GCLC: variants seen among roughly 807,000 people sequenced by gnomAD.
GCLC encodes glutamate-cysteine ligase catalytic subunit.
A neutral mutation model predicts 81.5 loss-of-function variants in GCLC; 30 were observed. The observed-to-expected ratio is 0.37, with a 90% confidence interval of 0.28 to 0.50. The LOEUF (loss-of-function observed/expected upper bound fraction) is 0.50, where lower values mean the gene tolerates loss of function less well. Among genes scored for constraint, GCLC ranks in the 20% least tolerant of loss-of-function variants. The pLI, the probability that GCLC is intolerant of heterozygous loss-of-function variation, is 0.96. For synonymous variants in GCLC, 262 were observed against 273.3 expected (o/e 0.96, Z 0.41); for missense variants, 556 against 777.4 (o/e 0.72, Z 3.39).
chr6:53,534,226 C>G (rs754174359), intron 1 of GCLC, among the ~76,000 whole-genome samples: 1 of 152,158 alleles, frequency 6.6e-6, no homozygotes, highest in South Asian at 2.1e-4. Context: ...AATATCCAGT[C>G]ACAGGATGAT....
chr6:53,520,056 G>C (rs1322786810), intron 3 of GCLC, among the ~76,000 whole-genome samples: 6 of 152,190 alleles, frequency 3.9e-5, no homozygotes, highest in Non-Finnish European at 8.8e-5. Context: ...CCATCTGACA[G>C]ACATCTAGCA....
chr6:53,538,022 T>C (rs1763284687), intron 1 of GCLC, among the ~76,000 whole-genome samples: 1 of 152,118 alleles, frequency 6.6e-6, no homozygotes, highest in Admixed American at 6.5e-5. Context: ...GAACCTTCAA[T>C]TTGACTCAAA....
At chr6:53,507,378 C>T in intron 9 of GCLC, 102 bp downstream of exon 9, 2 of 1,138,528 alleles carry the variant, frequency 1.8e-6, no homozygotes, top group Non-Finnish European at 1.3e-6. Flanking sequence ...AGACTTTGCA[C>T]TAAAAATAGA....
intron 1 of GCLC, among the ~76,000 whole-genome samples, chr6:53,531,201 T>C (rs1050657212): frequency 2.0e-5 from 3 of 152,316 alleles, no homozygotes; most frequent in Admixed American, 2.0e-4. Flanking sequence ...CACAGAATAG[T>C]GTCTTGTGTT....
In GCLC at chr6:53,514,473, A is replaced by G. The variant is rs1764824055; in HGVS notation, c.585T>C (p.His195=). The G allele has an allele frequency of 1.1e-5, 18 of 1,613,178 alleles. No individual in the cohort carries two copies. Among genetic ancestry groups the G allele is most frequent in the Non-Finnish European group, 1.3e-5 (15 of 1,179,246 alleles). The change falls in exon 5 of 16, where the codon CAT becomes CAC. Residue 195 remains histidine (H), a synonymous_variant. Coordinates refer to ENST00000650454, the MANE Select transcript of GCLC (RefSeq NM_001498.4). ...TGATGACAACCTTTTCTCCTCTCCT[A>G]TGTCGGATATTTCTTGTTAAGGTAC... The part of the protein sequence containing the change: ...RFSTLTRNIR[H]RRGEKVVINV...
rs1764817190 is a variant in GCLC, at chr6:53,514,284, C to T, written c.673G>A (p.Asp225Asn). 8.7e-6 allele frequency: 14 copies of T among 1,605,280 alleles called. No individual in the cohort carries two copies. Among genetic ancestry groups the T allele is most frequent in the African/African-American group, 1.3e-5 (1 of 74,734 alleles). ...GGCTTAGAAGCCCTTGAAGCTTCAT[C>T]ATCCTCAGTAAATGTTTCTATAAAT... ...SPFIETFTED[D>N]EASRASKPDH... is the part of the protein sequence containing the mutation. The change falls in exon 6 of 16, where the codon GAT becomes AAT. Residue 225 changes from aspartate (D) to asparagine (N), a missense_variant. Asp to Asn is a conservative substitution (Grantham distance 23). This residue lies in a region of GCLC where 234 missense variants were observed against 303.8 expected (regional missense o/e 0.77). Transcript: ENST00000650454.
chr6:53,538,136 C>CTTTTTTTTTTTTTTTTTTT (rs10588842), intron 1 of GCLC, among the ~76,000 whole-genome samples: 1 of 78,904 alleles, frequency 1.3e-5, no homozygotes, highest in East Asian at 4.2e-4. Context: ...TTTTTCTTTC[C>CTTTTTTTTTTTTTTTTTTT]TTTTTTTTTT....
At chr6:53,500,019 G>A in intron 15 of GCLC, 26 bp downstream of exon 15, 1 of 1,513,164 alleles carries the variant, frequency 6.6e-7, no homozygotes, top group Non-Finnish European at 9.2e-7. Flanking sequence ...TCTATATTAT[G>A]AGATTAAGAA....
rs373952082 is a variant in GCLC at position 53,542,053 on chromosome 6, C to G, written c.150+2443G>C. On this transcript the variant is annotated intron_variant, in intron 1 of 15. Coordinates refer to ENST00000650454, the MANE Select transcript of GCLC (RefSeq NM_001498.4). ...TTTATTTTTGGTAGAGATGGGGTCT[C>G]GCTATATTGCCCAGGCTGGCCTTCA... is the stretch of plus-strand genomic sequence containing the variant. Among the ~76,000 whole-genome samples the G allele has an allele frequency of 9.9e-5, 15 of 152,170 alleles. No individual in the cohort carries two copies. The East Asian group carries it at 1.2e-3, about 12-fold the overall frequency.
intron 12 of GCLC, chr6:53,500,834 C>A: frequency 2.5e-6 from 1 of 404,820 alleles, no homozygotes; most frequent in Non-Finnish European, 4.6e-6. Flanking sequence ...GTTGGGAGGG[C>A]AGGTGGCTGG....
intron 8 of GCLC, 42 bp from the exon 9 acceptor site, chr6:53,507,660 A>G: frequency 2.4e-6 from 2 of 835,616 alleles, no homozygotes; most frequent in South Asian, 1.7e-5. Flanking sequence ...GCTATATAAA[A>G]TGAGTGGAAT....
intron 12 of GCLC, among the ~76,000 whole-genome samples, chr6:53,502,792 C>T (rs1764537965): frequency 6.6e-6 from 1 of 152,164 alleles, no homozygotes; most frequent in African/African-American, 2.4e-5. Context: ...ATTTTCACCA[C>T]TTTATGTTCT....
chr6:53,523,292 C>G (rs1763030012), intron 1 of GCLC: 1 of 152,220 alleles, frequency 6.6e-6, no homozygotes, highest in Non-Finnish European at 1.5e-5. Flanking sequence ...TCAATCATGA[C>G]AGTTGGCGTG....
chr6:53,514,321 A>T lies in GCLC; in HGVS notation c.636T>A (p.Asn212Lys), dbSNP rs775265488. 1 of 1,595,304 alleles carries T rather than the reference A, an allele frequency of 6.3e-7. No homozygotes were observed. The highest frequency in any genetic ancestry group is 8.6e-7 in the Non-Finnish European group (1 of 1,162,912). ...VINVPIFKDK[N>K]TPSPFIETFT... ...ATGTTTCTATAAATGGAGATGGTGTATTCTTGTCCTTAAATACTGTATTAT... is the reference window on the plus strand; with the variant it reads ...ATGTTTCTATAAATGGAGATGGTGTTTTCTTGTCCTTAAATACTGTATTAT... Residue 212 changes from asparagine to lysine, a missense_variant, in exon 6 of 16, where the codon AAT becomes AAA. Asn to Lys is a moderately conservative substitution (Grantham distance 94). Coordinates refer to ENST00000650454, the MANE Select transcript of GCLC (RefSeq NM_001498.4).
At position 53,506,707 on chromosome 6, in the gene GCLC, G is replaced by A; in HGVS notation, c.1197+206C>T. The A allele has an allele frequency of 1.8e-6, 1 of 552,214 alleles. No homozygotes were observed. Among genetic ancestry groups the A allele is most frequent in the Non-Finnish European group, 3.2e-6 (1 of 308,334 alleles). The allele number at this position is 552,214 out of a possible 1,614,324, so 34.2% of individuals were successfully genotyped here. A position where few individuals can be genotyped will look rare whatever the true frequency, so the allele number is the denominator to read the frequency against. ...ATAAACAGTAAGAATCGTAAAATAA[G>A]AGTACTTGAAACCGATTTTTTATTT... On this transcript the variant is annotated intron_variant, in intron 10 of 15. Coordinates refer to ENST00000650454, the MANE Select transcript of GCLC (RefSeq NM_001498.4). This position sits in a 1 kb window ranked among gnomAD's most constrained non-coding sequence, Gnocchi z 4.0.
intron 1 of GCLC, among the ~76,000 whole-genome samples, chr6:53,537,292 C>T (rs1301408341): frequency 6.6e-6 from 1 of 152,132 alleles, no homozygotes; most frequent in East Asian, 1.9e-4. Context: ...TAGGGGTTAA[C>T]GGACAATAAA....
At chr6:53,522,662 A>G (rs1763019341) in intron 1 of GCLC, 135 bp from the exon 2 acceptor site, 2 of 657,834 alleles carry the variant, frequency 3.0e-6, no homozygotes, top group Non-Finnish European at 5.5e-6. Context: ...ATTTGTTTAC[A>G]GTACAGCACA....
intron 1 of GCLC, among the ~76,000 whole-genome samples, chr6:53,538,390 G>A (rs1356504247): frequency 2.0e-5 from 3 of 150,684 alleles, no homozygotes; most frequent in Admixed American, 6.6e-5. Context: ...GCAGTGGCGC[G>A]ATCTAGGCTC....
In GCLC at chr6:53,540,667, C is replaced by CCACACACACACACACA. The variant is rs35480206; in HGVS notation, c.150+3813_150+3828dup. On this transcript the variant is annotated intron_variant, in intron 1 of 15. Coordinates refer to ENST00000650454, the MANE Select transcript of GCLC (RefSeq NM_001498.4). ...GGTAGAGCTCATGTTAAGTGTCTTG[C>CCACACACACACACACA]CACACACACACACACACACACACAC... Among the ~76,000 whole-genome samples, 7 of 143,916 alleles carry CCACACACACACACACA rather than the reference C, an allele frequency of 4.9e-5. No homozygotes were observed. In the East Asian group the frequency reaches 1.2e-3, roughly 25 times the overall value. 94.4% of individuals were successfully genotyped at this position (143,916 alleles called of 152,430 possible). A position where few individuals can be genotyped will look rare whatever the true frequency, so the allele number is the denominator to read the frequency against.
Sources: gnomAD v4.1 joint callset for allele counts (sites outside exome capture counted in the v4.1 genomes callset) on GRCh38, gnomAD v4.1.1 for gene constraint, gnomAD v4.1.1 regional missense constraint, Gnocchi (gnomAD v3.1) non-coding constraint, MANE v1.5 for transcripts, NCBI Gene and HGNC (gene_info 2026-07-23, HGNC 2026-07-21) for gene names.